Variants in FNDC3B observed in about 807,000 individuals in gnomAD.
The protein encoded by FNDC3B is fibronectin type III domain-containing protein 3B.
In FNDC3B, 12 loss-of-function variants were observed where a neutral mutation model predicts 151.5. That is an observed-to-expected ratio of 0.08 (90% CI 0.05 to 0.13). The LOEUF (loss-of-function observed/expected upper bound fraction) is 0.13, where lower values mean the gene tolerates loss of function less well. Ranked by LOEUF, FNDC3B falls within the 10% of genes least tolerant of loss-of-function variation. The pLI is 1.00. For missense variants in FNDC3B, 1,214 were observed against 1,505.3 expected, an observed-to-expected ratio of 0.81 and a Z score of 3.20; for synonymous variants, 528 against 549.0, an observed-to-expected ratio of 0.96 and a Z score of 0.54.
chr3:172,295,077 A>G (rs1049361854), intron 7 of FNDC3B, among the ~76,000 whole-genome samples: 2 of 152,190 alleles, frequency 1.3e-5, no homozygotes, highest in African/African-American at 4.8e-5. Context: ...TCAGCTTTTT[A>G]CTTACGTTAA....
chr3:172,196,942 G>A (rs1480781154), intron 3 of FNDC3B, among the ~76,000 whole-genome samples: 1 of 152,090 alleles, frequency 6.6e-6, no homozygotes, highest in African/African-American at 2.4e-5. Context: ...CACCACTTTG[G>A]GAGGCTGAGG....
At chr3:172,358,052 CCT>C (rs1478837672) in intron 22 of FNDC3B, among the ~76,000 whole-genome samples, 2 of 152,094 alleles carry the variant, frequency 1.3e-5, no homozygotes, top group African/African-American at 2.4e-5. Context: ...ATATTTGGCC[CCT>C]GTTACGATAT....
At chr3:172,314,548 A>G (rs576558007) in intron 11 of FNDC3B, among the ~76,000 whole-genome samples, 1 of 152,326 alleles carries the variant, frequency 6.6e-6, no homozygotes, top group African/African-American at 2.4e-5. Context: ...GTATAACAGC[A>G]TGGATTAGAG....
At chr3:172,340,045 A>G (rs1162123681) in intron 16 of FNDC3B, among the ~76,000 whole-genome samples, 3 of 152,222 alleles carry the variant, frequency 2.0e-5, no homozygotes, top group East Asian at 3.9e-4. Flanking sequence ...AAAGTGGTCA[A>G]CTGGAAACAC....
At chr3:172,163,074 A>G (rs1046533154) in intron 3 of FNDC3B, among the ~76,000 whole-genome samples, 2 of 151,982 alleles carry the variant, frequency 1.3e-5, no homozygotes, top group African/African-American at 4.8e-5. Context: ...GGAGTTTGAG[A>G]CCAGCCTGGG....
At chr3:172,091,070 C>G (rs1363482988) in intron 1 of FNDC3B, among the ~76,000 whole-genome samples, 4 of 152,132 alleles carry the variant, frequency 2.6e-5, no homozygotes, top group African/African-American at 4.8e-5. Flanking sequence ...TACTTTTCAT[C>G]CCAGTAATTT....
chr3:172,069,268 T>C (rs931169797), intron 1 of FNDC3B, among the ~76,000 whole-genome samples: 4 of 152,206 alleles, frequency 2.6e-5, no homozygotes, highest in Non-Finnish European at 5.9e-5. Flanking sequence ...TGTTGGCTGC[T>C]GTCTCCACTT....
chr3:172,315,656 C>T (rs748942603), intron 11 of FNDC3B, among the ~76,000 whole-genome samples: 5 of 152,258 alleles, frequency 3.3e-5, no homozygotes, highest in Non-Finnish European at 4.4e-5. Flanking sequence ...TTCACTTGAA[C>T]GTTAGATGAG....
chr3:172,286,244 G>T (rs1730010373), intron 7 of FNDC3B, among the ~76,000 whole-genome samples: 1 of 151,484 alleles, frequency 6.6e-6, no homozygotes, highest in African/African-American at 2.4e-5. Context: ...TCTTTCCAAA[G>T]ATTCTTTTTT....
rs567306046 is a variant in FNDC3B at position 172,400,293 on chromosome 3, A to C, written c.*2818A>C. On this transcript the variant is annotated 3_prime_UTR_variant, in exon 26 of 26. Transcript: ENST00000415807. ...ATTGTTGAAAAAGAAAACTTTTTAA[A>C]GAGATTTTTTGCATATTCTCTGCCT... is the stretch of plus-strand genomic sequence containing the variant. The C allele has an allele frequency of 6.5e-6, 1 of 152,748 alleles. No homozygotes were observed. The highest frequency in any genetic ancestry group is 1.5e-5 in the Non-Finnish European group (1 of 68,038). 9.5% of individuals were successfully genotyped at this position (152,748 alleles called of 1,614,324 possible).
At position 172,166,774 on chromosome 3, in the gene FNDC3B, C is replaced by T. The variant is rs57176726; in HGVS notation, c.187+33228C>T. Among the ~76,000 whole-genome samples the T allele has an allele frequency of 2.2e-4, 29 of 129,840 alleles. No homozygotes were observed. The East Asian group carries it at 2.6e-3, about 12-fold the overall frequency. The allele number at this position is 129,840 out of a possible 152,430, so 85.2% of individuals were successfully genotyped here. A position where few individuals can be genotyped will look rare whatever the true frequency, so the allele number is the denominator to read the frequency against. ...TAGGGAGACCTTGCCTCTGGAAAAACAAACAACTCTTGGTAGTCTCCTAAT... is the reference window on the plus strand; with the variant it reads ...TAGGGAGACCTTGCCTCTGGAAAAATAAACAACTCTTGGTAGTCTCCTAAT... On this transcript the variant is annotated intron_variant, in intron 3 of 25. Coordinates refer to ENST00000415807, the MANE Select transcript of FNDC3B (RefSeq NM_022763.4).
In FNDC3B at chr3:172,269,240, A is replaced by AT. The variant is rs201744001; in HGVS notation, c.791-16677dup. 4.3e-3 allele frequency among the ~76,000 whole-genome samples: 644 copies of AT among 150,998 alleles called. 5 individuals are homozygous for AT. The highest frequency in any genetic ancestry group is 0.015 in the African/African-American group (599 of 41,192). ...TTTCTTCCTATTTTAAAATCTCCAT[A>AT]TTTTTTTTTCTTTCCTTTCCTTTTC... On this transcript the variant is annotated intron_variant, in intron 6 of 25. Coordinates refer to ENST00000415807, the MANE Select transcript of FNDC3B (RefSeq NM_022763.4).
chr3:172,200,327 T>C (rs914834141), intron 3 of FNDC3B, among the ~76,000 whole-genome samples: 1 of 152,216 alleles, frequency 6.6e-6, no homozygotes, highest in Non-Finnish European at 1.5e-5. Context: ...TTGTTTTCTC[T>C]TATCAATGTT....
intron 3 of FNDC3B, among the ~76,000 whole-genome samples, chr3:172,203,387 A>G (rs902432132): frequency 6.6e-6 from 1 of 152,248 alleles, no homozygotes; most frequent in African/African-American, 2.4e-5. Flanking sequence ...AAGACAGGAC[A>G]TCGGTTTGTC....
chr3:172,185,370 C>T (rs1303494890), intron 3 of FNDC3B, among the ~76,000 whole-genome samples: 1 of 152,144 alleles, frequency 6.6e-6, no homozygotes, highest in Non-Finnish European at 1.5e-5. Flanking sequence ...GAGAAGCGAT[C>T]CAGATAGACT....
intron 1 of FNDC3B, among the ~76,000 whole-genome samples, chr3:172,054,214 A>G (rs1716804389): frequency 6.6e-6 from 1 of 152,210 alleles, no homozygotes; most frequent in African/African-American, 2.4e-5. Context: ...TACCCAAGGC[A>G]GCCACAGGGA....
intron 1 of FNDC3B, among the ~76,000 whole-genome samples, chr3:172,091,873 G>GGGGTGTGTGTGTGTGTGTGT (rs1553760105): frequency 2.4e-5 from 3 of 124,756 alleles, no homozygotes; most frequent in Non-Finnish European, 3.3e-5. Flanking sequence ...ACTTTACTGG[G>GGGGTGTGTGTGTGTGTGTGT]GTGTGTGTGT....
rs556750917 is a variant in FNDC3B at position 172,380,125 on chromosome 3, T to C, written c.3176-841T>C. Reference sequence around the variant, plus strand: ...TTTTCTGAAACAATAACACACAGAATTGCAAGCAGAAACAACTGTCTCTAA... The same window carrying C: ...TTTTCTGAAACAATAACACACAGAACTGCAAGCAGAAACAACTGTCTCTAA... On this transcript the variant is annotated intron_variant, in intron 24 of 25. Coordinates refer to ENST00000415807, the MANE Select transcript of FNDC3B (RefSeq NM_022763.4). Among the ~76,000 whole-genome samples, 8 of 151,954 alleles carry C rather than the reference T, an allele frequency of 5.3e-5. No homozygotes were observed. The South Asian group carries it at 1.5e-3, about 28-fold the overall frequency.
At chr3:172,110,240 C>T (rs1719891768) in intron 1 of FNDC3B, among the ~76,000 whole-genome samples, 1 of 152,146 alleles carries the variant, frequency 6.6e-6, no homozygotes, top group Non-Finnish European at 1.5e-5. Flanking sequence ...CAACTGTCTT[C>T]TCTTACTCAG....
Sources: allele counts gnomAD v4.1 joint callset (sites outside exome capture counted in the v4.1 genomes callset), GRCh38; gene constraint gnomAD v4.1.1; transcripts MANE v1.5; gene names NCBI Gene and HGNC (gene_info 2026-07-23, HGNC 2026-07-21).